The following PLCL1 variants were observed in gnomAD, a reference collection of about 807,000 sequenced individuals.
PLCL1 encodes the protein inactive phospholipase C-like protein 1.
A neutral mutation model predicts 84.4 loss-of-function variants in PLCL1; 41 were observed. The observed-to-expected ratio is 0.49, with a 90% confidence interval of 0.38 to 0.63. The LOEUF (loss-of-function observed/expected upper bound fraction) is 0.63, where lower values mean the gene tolerates loss of function less well. Ranked by LOEUF, PLCL1 falls within the 30% of genes least tolerant of loss-of-function variation. The pLI, the probability that PLCL1 is intolerant of heterozygous loss-of-function variation, is 0.00. For missense variants in PLCL1, 1,206 were observed against 1,367.8 expected, an observed-to-expected ratio of 0.88 and a Z score of 1.87; for synonymous variants, 490 against 488.3, an observed-to-expected ratio of 1.00 and a Z score of -0.05.
rs138468918 is a variant in PLCL1 at position 197,969,835 on chromosome 2, T to C, written c.241-113923T>C. ...CCTTCCTATTCACTGTGATGGTATG[T>C]AGAGATGAAGTCTGAGTCCCTGAAT... is the stretch of plus-strand genomic sequence containing the variant. On this transcript the variant is annotated intron_variant, in intron 1 of 5. Transcript: ENST00000428675. Among the ~76,000 whole-genome samples, 85 of 152,346 alleles carry C rather than the reference T, an allele frequency of 5.6e-4. 4 individuals carry two copies. In the East Asian group the frequency reaches 0.016, roughly 28 times the overall value.
intron 1 of PLCL1, among the ~76,000 whole-genome samples, chr2:198,032,668 G>T (rs1281284185): frequency 2.0e-5 from 3 of 151,990 alleles, no homozygotes; most frequent in Non-Finnish European, 2.9e-5. Context: ...CTGTTTTATA[G>T]AGATAAAGGA....
intron 1 of PLCL1, among the ~76,000 whole-genome samples, chr2:197,824,829 G>T (rs1421788272): frequency 6.6e-6 from 1 of 151,776 alleles, no homozygotes; most frequent in South Asian, 2.1e-4. Context: ...GAACTCTTTC[G>T]AGCTGTTCAG....
At chr2:197,855,997 A>G (rs1330272971) in intron 1 of PLCL1, among the ~76,000 whole-genome samples, 1 of 152,134 alleles carries the variant, frequency 6.6e-6, no homozygotes, top group Non-Finnish European at 1.5e-5. Flanking sequence ...TGAACCTAAA[A>G]CAGAGGCCAG....
intron 3 of PLCL1, among the ~76,000 whole-genome samples, chr2:198,099,285 T>A (rs1036335): frequency 0.6 from 90,913 of 151,682 alleles, 27,888 homozygotes; most frequent in East Asian, 0.81. Flanking sequence ...TTAGAGATCT[T>A]GGAAGGAGGT....
intron 1 of PLCL1, among the ~76,000 whole-genome samples, chr2:197,945,737 G>A (rs923435374): frequency 6.6e-6 from 1 of 152,108 alleles, no homozygotes; most frequent in Non-Finnish European, 1.5e-5. Flanking sequence ...GAGTTAATAT[G>A]TTTAAAGCTC....
intron 1 of PLCL1, among the ~76,000 whole-genome samples, chr2:197,945,162 C>G (rs1395484957): frequency 6.6e-6 from 1 of 152,116 alleles, no homozygotes; most frequent in Non-Finnish European, 1.5e-5. Flanking sequence ...CCAAATTAGT[C>G]ACGGCAGCTT....
intron 1 of PLCL1, among the ~76,000 whole-genome samples, chr2:197,838,595 C>G (rs1294148202): frequency 1.3e-5 from 2 of 152,166 alleles, no homozygotes; most frequent in African/African-American, 2.4e-5. Flanking sequence ...GTTTTAATAG[C>G]TTTCCATGTA....
intron 1 of PLCL1, among the ~76,000 whole-genome samples, chr2:197,941,679 G>C (rs1689159951): frequency 1.3e-5 from 2 of 152,166 alleles, no homozygotes; most frequent in African/African-American, 4.8e-5. Flanking sequence ...GGAACAAGAA[G>C]GTGCGATTTG....
At chr2:198,036,206 T>C (rs1241924391) in intron 1 of PLCL1, among the ~76,000 whole-genome samples, 1 of 152,198 alleles carries the variant, frequency 6.6e-6, no homozygotes, top group East Asian at 1.9e-4. Flanking sequence ...TAGCACACAA[T>C]TGCCTTGGTC....
chr2:197,810,101 G>A (rs1194663599), intron 1 of PLCL1, among the ~76,000 whole-genome samples: 2 of 152,070 alleles, frequency 1.3e-5, no homozygotes, highest in Non-Finnish European at 2.9e-5. Context: ...GGCTTCAGCT[G>A]CGGCTCTCCT....
chr2:197,992,269 A>G (rs962088340), intron 1 of PLCL1, among the ~76,000 whole-genome samples: 1 of 152,016 alleles, frequency 6.6e-6, no homozygotes, highest in Non-Finnish European at 1.5e-5. Flanking sequence ...ATTAAATTAA[A>G]TTAATTTATT....
chr2:197,841,634 A>G (rs944721796), intron 1 of PLCL1, among the ~76,000 whole-genome samples: 2 of 152,212 alleles, frequency 1.3e-5, no homozygotes, highest in Non-Finnish European at 2.9e-5. Flanking sequence ...CATCTTGGTT[A>G]CTTCTGAGTT....
At chr2:198,135,074 G>A (rs1694222505) in intron 5 of PLCL1, among the ~76,000 whole-genome samples, 1 of 152,058 alleles carries the variant, frequency 6.6e-6, no homozygotes, top group African/African-American at 2.4e-5. Flanking sequence ...CTTTGCTCTG[G>A]GGTTTGGGCC....
intron 1 of PLCL1, among the ~76,000 whole-genome samples, chr2:197,814,240 C>T (rs1466904582): frequency 1.3e-5 from 2 of 152,136 alleles, no homozygotes; most frequent in Non-Finnish European, 2.9e-5. Flanking sequence ...TTTCGTGTCT[C>T]ATTTTGGCAT....
At chr2:198,126,834 G>A (rs998785516) in intron 5 of PLCL1, among the ~76,000 whole-genome samples, 1 of 152,066 alleles carries the variant, frequency 6.6e-6, no homozygotes, top group African/African-American at 2.4e-5. Flanking sequence ...GTCTTGGAGG[G>A]TGAGGCTGCA....
intron 1 of PLCL1, among the ~76,000 whole-genome samples, chr2:197,818,257 A>AAGGCTCTAAAT (rs1283177840): frequency 6.6e-6 from 1 of 152,104 alleles, no homozygotes; most frequent in Non-Finnish European, 1.5e-5. Context: ...TCCTTTAAAA[A>AAGGCTCTAAAT]AGGCTCTAAA....
At chr2:197,909,877 G>A (rs1688450920) in intron 1 of PLCL1, among the ~76,000 whole-genome samples, 1 of 152,232 alleles carries the variant, frequency 6.6e-6, no homozygotes, top group Admixed American at 6.5e-5. Context: ...AGGCATCAGT[G>A]TAGGGAAATG....
intron 1 of PLCL1, among the ~76,000 whole-genome samples, chr2:197,841,421 A>G (rs781750854): frequency 4.6e-5 from 7 of 152,222 alleles, no homozygotes; most frequent in Non-Finnish European, 1.0e-4. Flanking sequence ...CACTGTTTCC[A>G]TAGTTTTGCC....
chr2:197,952,189 C>A (rs1057075262), intron 1 of PLCL1, among the ~76,000 whole-genome samples: 2 of 152,108 alleles, frequency 1.3e-5, no homozygotes, highest in Non-Finnish European at 2.9e-5. Flanking sequence ...AGCCTCTTTT[C>A]TTCTCTGTGG....
Sources: gnomAD v4.1 joint callset for allele counts (sites outside exome capture counted in the v4.1 genomes callset) on GRCh38, gnomAD v4.1.1 for gene constraint, MANE v1.5 for transcripts, NCBI Gene and HGNC (gene_info 2026-07-23, HGNC 2026-07-21) for gene names.